Variants in CALML4 observed in about 807,000 individuals in gnomAD.
The protein encoded by CALML4 is calmodulin like 4.
CALML4 carries 16 observed loss-of-function variants against 17.9 expected under a neutral mutation model. That is an observed-to-expected ratio of 0.89 (90% confidence interval 0.61 to 1.36). The LOEUF (loss-of-function observed/expected upper bound fraction) is 1.36. Among genes scored for constraint, CALML4 ranks in the 40% most tolerant of loss-of-function variants. CALML4 has a pLI of 0.00. For missense variants in CALML4, 203 were observed against 194.8 expected (o/e 1.04, Z -0.25); for synonymous variants, 86 against 71.5 (o/e 1.20, Z -1.02).
Position 68,199,599 on chromosome 15 carries a change from G to A in CALML4, c.117C>T (p.Cys39=), listed in dbSNP as rs1158793669. ...CCCCTGGCGTCGGGCTGGCCCCCAG[G>A]CACCTCATGGCCACCATGAGGTCGG... ...KATDLMVAMR[C]LGASPTPGEV... is the part of the protein sequence containing the mutation. The change falls in exon 3 of 5, where the codon TGC becomes TGT. Residue 39 remains cysteine, a synonymous_variant. Transcript: ENST00000467889. 4 of 1,613,522 alleles carry A rather than the reference G, an allele frequency of 2.5e-6. No individual in the cohort carries two copies. In the Admixed American group the frequency reaches 6.7e-5, roughly 27 times the overall value.
At position 68,197,295 on chromosome 15, in the gene CALML4, T is replaced by C; in HGVS notation, c.364+145A>G. 1 of 708,552 alleles carries C rather than the reference T, an allele frequency of 1.4e-6. No homozygotes were observed. The highest frequency in any genetic ancestry group is 2.3e-6 in the Non-Finnish European group (1 of 430,150). 43.9% of individuals were successfully genotyped at this position (708,552 alleles called of 1,614,324 possible). On this transcript the variant is annotated intron_variant, in intron 4 of 4. Transcript: ENST00000467889. The surrounding 1 kb of genome is among the most constrained non-coding windows in gnomAD (Gnocchi z 4.1). ...CCCAGGCTCCAGTCCAGCACCCACCTAGTGTGGCATCTGCTCACAGTCTCC... is the reference window on the plus strand; with the variant it reads ...CCCAGGCTCCAGTCCAGCACCCACCCAGTGTGGCATCTGCTCACAGTCTCC...
At chr15:68,199,296 G>A (rs1319440388) in intron 3 of CALML4, among the ~76,000 whole-genome samples, 2 of 152,132 alleles carry the variant, frequency 1.3e-5, no homozygotes, top group Non-Finnish European at 1.5e-5. Context: ...TTTTTCTCTG[G>A]GTTTGGTAAG....
chr15:68,193,814 A>G lies in CALML4; in HGVS notation c.*201T>C, dbSNP rs74020068. The G allele has an allele frequency of 1.4e-3, 750 of 550,802 alleles. 2 individuals carry two copies. Among genetic ancestry groups the G allele is most frequent in the African/African-American group, 0.012 (621 of 53,150 alleles). 34.1% of individuals were successfully genotyped at this position (550,802 alleles called of 1,614,324 possible). A position where few individuals can be genotyped will look rare whatever the true frequency, so the allele number is the denominator to read the frequency against. ...GGACTCACGGTAGTTAATAAAATCAATACAAATCTTTTATTAAAGATCTAC... is the reference window on the plus strand; with the variant it reads ...GGACTCACGGTAGTTAATAAAATCAGTACAAATCTTTTATTAAAGATCTAC... On this transcript the variant is annotated 3_prime_UTR_variant, in exon 5 of 5. Transcript: ENST00000467889.
chr15:68,199,702 G>C (rs2093158958), intron 2 of CALML4, 21 bp from the exon 3 acceptor site: 1 of 1,607,026 alleles, frequency 6.2e-7, no homozygotes, highest in Non-Finnish European at 8.5e-7. Flanking sequence ...CCCAGAGGGA[G>C]GGTCAGCAGC....
Position 68,197,811 on chromosome 15 carries a change from C to A in CALML4, c.176-183G>T. 1.7e-6 allele frequency: 1 copy of A among 589,594 alleles called. No homozygotes were observed. The allele number at this position is 589,594 out of a possible 1,614,324, so 36.5% of individuals were successfully genotyped here. A position where few individuals can be genotyped will look rare whatever the true frequency, so the allele number is the denominator to read the frequency against. ...CACCGAGTTCCCACGACAGGCCCCT[C>A]ACTGGACTGGACATTCTTCATTTCA... is the stretch of plus-strand genomic sequence containing the variant. On this transcript the variant is annotated intron_variant, in intron 3 of 4. Transcript: ENST00000467889. This position sits in a 1 kb window ranked among gnomAD's most constrained non-coding sequence, Gnocchi z 4.1.
rs1242788515 is a variant in CALML4 at position 68,193,881 on chromosome 15, C to A, written c.*134G>T. On this transcript the variant is annotated 3_prime_UTR_variant, in exon 5 of 5. Coordinates refer to ENST00000467889, the MANE Select transcript of CALML4 (RefSeq NM_033429.3). ...ATCATCTATTATTGTTGCTAGTTAG[C>A]CTCTCTTCTATAGTTGGGTAATGTT... The A allele has an allele frequency of 1.6e-6, 1 of 623,250 alleles. No homozygotes were observed. The highest frequency in any genetic ancestry group is 2.7e-5 in the East Asian group (1 of 36,472). 38.6% of individuals were successfully genotyped at this position (623,250 alleles called of 1,614,324 possible).
At chr15:68,195,847 G>A (rs1439704960) in intron 4 of CALML4, among the ~76,000 whole-genome samples, 2 of 152,140 alleles carry the variant, frequency 1.3e-5, no homozygotes, top group Non-Finnish European at 2.9e-5. Flanking sequence ...CTGGGGCCAT[G>A]GCATTGCTTA....
chr15:68,191,012 T>C lies in CALML4; in HGVS notation c.*3003A>G, dbSNP rs2093117099. 1 of 152,380 alleles carries C rather than the reference T, an allele frequency of 6.6e-6. No individual in the cohort carries two copies. Among genetic ancestry groups the C allele is most frequent in the Non-Finnish European group, 1.5e-5 (1 of 68,032 alleles). 9.4% of individuals were successfully genotyped at this position (152,380 alleles called of 1,614,324 possible). A position where few individuals can be genotyped will look rare whatever the true frequency, so the allele number is the denominator to read the frequency against. On this transcript the variant is annotated 3_prime_UTR_variant, in exon 5 of 5. Transcript: ENST00000467889. The stretch of plus-strand genomic sequence containing the variant: ...TTAGACAATTTCAATTTTAAACACA[T>C]AAAACTTTCAAGATCTTCAGGACTT...
rs1372024229 is a variant in CALML4, at chr15:68,197,593, T to G, written c.211A>C (p.Thr71Pro). The change falls in exon 4 of 5, where the codon ACC becomes CCC. Residue 71 changes from threonine (T) to proline (P), a missense_variant. Thr to Pro is a conservative substitution (Grantham distance 38). Transcript: ENST00000467889. This position sits in a 1 kb window ranked among gnomAD's most constrained non-coding sequence, Gnocchi z 4.1. ...NGELDFSTFL[T>P]IMHMQIKQED... ...TGTTTTATTTGCATGTGCATAATGGTCAGAAAAGTGGAGAAATCCAGCTCT... is the reference window on the plus strand; with the variant it reads ...TGTTTTATTTGCATGTGCATAATGGGCAGAAAAGTGGAGAAATCCAGCTCT... The G allele has an allele frequency of 6.2e-7, 1 of 1,614,078 alleles. No homozygotes were observed. The highest frequency in any genetic ancestry group is 2.2e-5 in the East Asian group (1 of 44,862).
intron 2 of CALML4, chr15:68,199,912 C>CCA (rs2093159867): frequency 1.0e-5 from 4 of 396,668 alleles, no homozygotes; most frequent in African/African-American, 8.2e-5. Flanking sequence ...CCAAATTTTG[C>CCA]ATAGGACATA....
intron 4 of CALML4, among the ~76,000 whole-genome samples, chr15:68,195,308 CCTT>C (rs1393942392): frequency 6.6e-6 from 1 of 152,204 alleles, no homozygotes; most frequent in Non-Finnish European, 1.5e-5. Flanking sequence ...GCTTAACTAT[CCTT>C]CTCGAAAGTA....
chr15:68,197,508 CCTTT>C lies in CALML4; in HGVS notation c.292_295del (p.Lys98ValfsTer39). On this transcript the variant is annotated frameshift_variant, in exon 4 of 5. Coordinates refer to ENST00000467889, the MANE Select transcript of CALML4 (RefSeq NM_033429.3). LOFTEE classifies it high-confidence loss of function. This position sits in a 1 kb window ranked among gnomAD's most constrained non-coding sequence, Gnocchi z 4.1. ...CCGCAGGTCGGACGCCATGACGTAA[CCTTT>C]CTTCTCCTTGTCCACCATCAACATG... 2 of 1,614,172 alleles carry C rather than the reference CCTTT, an allele frequency of 1.2e-6. No individual in the cohort carries two copies. Among genetic ancestry groups the C allele is most frequent in the Non-Finnish European group, 1.7e-6 (2 of 1,180,034 alleles).
chr15:68,199,802 C>G, intron 2 of CALML4, 121 bp from the exon 3 acceptor site: 2 of 1,089,630 alleles, frequency 1.8e-6, no homozygotes, highest in Middle Eastern at 2.4e-4. Context: ...CTCCATCCCT[C>G]TCTCCCCTCC....
chr15:68,203,362 G>T (rs974610852), intron 2 of CALML4, among the ~76,000 whole-genome samples: 3 of 152,216 alleles, frequency 2.0e-5, no homozygotes, highest in African/African-American at 7.2e-5. Flanking sequence ...TGAATGAATG[G>T]TCATTAAACC....
At chr15:68,199,346 G>T (rs185882888) in intron 3 of CALML4, among the ~76,000 whole-genome samples, 195 bp downstream of exon 3, 50 of 152,240 alleles carry the variant, frequency 3.3e-4, no homozygotes, top group Non-Finnish European at 2.6e-4. Flanking sequence ...GTGAGATGGG[G>T]TATCACTGGT....
At chr15:68,203,843 TA>T (rs2093173361) in intron 2 of CALML4, among the ~76,000 whole-genome samples, 1 of 152,206 alleles carries the variant, frequency 6.6e-6, no homozygotes, top group Non-Finnish European at 1.5e-5. Context: ...ACACACTCAT[TA>T]AACACTGGTG....
rs2141119845 is a variant in CALML4 at position 68,193,368 on chromosome 15, C to CA, written c.*646dup. The stretch of plus-strand genomic sequence containing the variant: ...GCATGTGTTTTCACTCTAGTGTTTT[C>CA]ACTCTACACTCTGTGTTTATGAATG... On this transcript the variant is annotated 3_prime_UTR_variant, in exon 5 of 5. Transcript: ENST00000467889. 6.6e-6 allele frequency: 1 copy of CA among 152,214 alleles called. No individual in the cohort carries two copies. The highest frequency in any genetic ancestry group is 2.1e-4 in the South Asian group (1 of 4,820). 9.4% of individuals were successfully genotyped at this position (152,214 alleles called of 1,614,324 possible). A position where few individuals can be genotyped will look rare whatever the true frequency, so the allele number is the denominator to read the frequency against.
At chr15:68,203,914 G>A (rs968831965) in intron 2 of CALML4, among the ~76,000 whole-genome samples, 2 of 152,128 alleles carry the variant, frequency 1.3e-5, no homozygotes, top group African/African-American at 4.8e-5. Flanking sequence ...TCCCTTCTGG[G>A]AGCTTTGGCT....
rs533072647 is a variant in CALML4 at position 68,200,943 on chromosome 15, C to A, written c.35-1262G>T. 6.6e-6 allele frequency among the ~76,000 whole-genome samples: 1 copy of A among 152,104 alleles called. No homozygotes were observed. Among genetic ancestry groups the A allele is most frequent in the Non-Finnish European group, 1.5e-5 (1 of 68,016 alleles). ...GAGCCTGGCTGTGGGCAGCTCTGCC[C>A]ACCAGGCCACACTGCCTTCGGTTCC... On this transcript the variant is annotated intron_variant, in intron 2 of 4. Transcript: ENST00000467889. The surrounding 1 kb of genome is among the most constrained non-coding windows in gnomAD (Gnocchi z 4.3).
Sources: gnomAD v4.1 joint callset for allele counts (sites outside exome capture counted in the v4.1 genomes callset) on GRCh38, gnomAD v4.1.1 for gene constraint, Gnocchi (gnomAD v3.1) non-coding constraint, MANE v1.5 for transcripts, NCBI Gene and HGNC (gene_info 2026-07-23, HGNC 2026-07-21) for gene names.